Variants in MAGI2 observed in about 807,000 individuals in gnomAD.
MAGI2 encodes the protein membrane-associated guanylate kinase, WW and PDZ domain-containing protein 2.
MAGI2 carries 35 observed loss-of-function variants against 133.3 expected under a neutral mutation model. The ratio of observed to expected loss-of-function variants is 0.26; its 90% CI spans 0.20 to 0.35. The LOEUF is 0.35. MAGI2 is among the 10% of genes least tolerant of loss of function. The pLI, the probability that MAGI2 is intolerant of heterozygous loss-of-function variation, is 1.00. For synonymous variants in MAGI2, 729 were observed against 710.6 expected (o/e 1.03, Z -0.41); for missense variants, 1,636 against 1,863.4 (o/e 0.88, Z 2.25).
intron 1 of MAGI2, among the ~76,000 whole-genome samples, chr7:79,303,938 C>A (rs1049179067): frequency 1.3e-5 from 2 of 151,996 alleles, no homozygotes; most frequent in African/African-American, 4.8e-5. Context: ...TATGTATGTA[C>A]ATATATGTAT....
chr7:79,052,670 A>G (rs1327840048), intron 1 of MAGI2, among the ~76,000 whole-genome samples: 2 of 152,196 alleles, frequency 1.3e-5, no homozygotes, highest in African/African-American at 4.8e-5. Flanking sequence ...AAGGTAATTT[A>G]AATAAATAAT....
intron 2 of MAGI2, among the ~76,000 whole-genome samples, chr7:78,953,702 G>A (rs891926834): frequency 6.6e-6 from 1 of 152,040 alleles, no homozygotes; most frequent in African/African-American, 2.4e-5. Flanking sequence ...TATCAATTCT[G>A]CTTTAAAAAC....
intron 3 of MAGI2, among the ~76,000 whole-genome samples, chr7:78,599,646 A>T (rs38093): frequency 6.6e-6 from 1 of 152,268 alleles, no homozygotes; most frequent in South Asian, 2.1e-4. Context: ...GACCTGTAAA[A>T]TCAGAGGTAG....
intron 2 of MAGI2, among the ~76,000 whole-genome samples, chr7:78,678,712 C>T (rs1169297594): frequency 6.6e-6 from 1 of 152,046 alleles, no homozygotes; most frequent in Non-Finnish European, 1.5e-5. Flanking sequence ...ATATAAAGTC[C>T]TACCAATCAC....
chr7:79,159,918 G>A (rs577859330), intron 1 of MAGI2, among the ~76,000 whole-genome samples: 1 of 152,158 alleles, frequency 6.6e-6, no homozygotes, highest in South Asian at 2.1e-4. Flanking sequence ...TATGTGTCAT[G>A]TGAAAGTGAT....
intron 1 of MAGI2, among the ~76,000 whole-genome samples, chr7:79,211,917 C>T (rs1829533150): frequency 6.6e-6 from 1 of 151,912 alleles, no homozygotes; most frequent in South Asian, 2.1e-4. Flanking sequence ...TTGGTGAGTA[C>T]TTGAAACAAA....
At chr7:79,292,770 CAAAAAAAAA>C (rs199933554) in intron 1 of MAGI2, among the ~76,000 whole-genome samples, 22 of 57,404 alleles carry the variant, frequency 3.8e-4, no homozygotes, top group Admixed American at 1.3e-3. Flanking sequence ...TCAATTTCTG[CAAAAAAAAA>C]AAAAAAAAAA....
chr7:78,552,134 A>G (rs1304166926), intron 3 of MAGI2, among the ~76,000 whole-genome samples: 1 of 129,770 alleles, frequency 7.7e-6, no homozygotes, highest in African/African-American at 2.9e-5. Context: ...AACATAAGGT[A>G]TTTTTAAATA....
At chr7:78,621,002 T>A (rs1169619631) in intron 3 of MAGI2, among the ~76,000 whole-genome samples, 1 of 151,946 alleles carries the variant, frequency 6.6e-6, no homozygotes, top group Non-Finnish European at 1.5e-5. Flanking sequence ...GGAAGACAAC[T>A]GCTGTAAGTG....
At chr7:79,148,366 C>T (rs957618732) in intron 1 of MAGI2, among the ~76,000 whole-genome samples, 13 of 152,180 alleles carry the variant, frequency 8.5e-5, no homozygotes, top group Non-Finnish European at 1.8e-4. Flanking sequence ...TGTCTCACTT[C>T]CCAGGCCCAC....
chr7:79,150,337 A>T (rs1823080495), intron 1 of MAGI2, among the ~76,000 whole-genome samples: 2 of 152,090 alleles, frequency 1.3e-5, no homozygotes, highest in Non-Finnish European at 2.9e-5. Context: ...CAATGTTAAC[A>T]TTTTGTACAT....
intron 10 of MAGI2, among the ~76,000 whole-genome samples, chr7:78,225,538 G>T (rs1554507317): frequency 6.6e-6 from 1 of 151,936 alleles, no homozygotes; most frequent in Non-Finnish European, 1.5e-5. Flanking sequence ...GTAAAGATGG[G>T]GTTTTACCAG....
chr7:79,171,980 C>T (rs1387781595), intron 1 of MAGI2, among the ~76,000 whole-genome samples: 4 of 151,452 alleles, frequency 2.6e-5, no homozygotes, highest in Non-Finnish European at 5.9e-5. Flanking sequence ...CAGCTTTAGG[C>T]CTTGCCTAAT....
At chr7:79,125,271 GC>G in intron 1 of MAGI2, 1 of 451,752 alleles carries the variant, frequency 2.2e-6, no homozygotes. Flanking sequence ...AGTAAGGAAA[GC>G]CCTGCCAAAA....
In MAGI2 at chr7:78,201,190, A is replaced by G; in HGVS notation, c.2051T>C (p.Phe684Ser). The G allele has an allele frequency of 6.8e-7, 1 of 1,477,822 alleles. No homozygotes were observed. The highest frequency in any genetic ancestry group is 1.8e-4 in the Middle Eastern group (1 of 5,574). 91.5% of individuals were successfully genotyped at this position (1,477,822 alleles called of 1,614,324 possible). A position where few individuals can be genotyped will look rare whatever the true frequency, so the allele number is the denominator to read the frequency against. ...CTTTGGAGTTTTCCATGGAGAAAAG[A>G]AACCTGTAATAAAGAAAACAATATT... ...ETSLIIHRGGFFSPWKTPKPI... is the reference protein window; with the variant it reads ...ETSLIIHRGGSFSPWKTPKPI... Residue 684 changes from phenylalanine (F) to serine (S), a missense_variant, in exon 11 of 22, where the codon TTC becomes TCC. This residue lies in a region of MAGI2 where 920 missense variants were observed against 1,093.5 expected (regional missense o/e 0.84). Coordinates refer to ENST00000354212, the MANE Select transcript of MAGI2 (RefSeq NM_012301.4).
rs80157892 is a variant in MAGI2 at position 78,473,306 on chromosome 7, T to A, written c.1045+16455A>T. 2.6e-5 allele frequency among the ~76,000 whole-genome samples: 4 copies of A among 152,218 alleles called. No individual in the cohort carries two copies. The South Asian group carries it at 8.3e-4, about 32-fold the overall frequency. ...TTTTCCATAGCTTAAGACCATCATA[T>A]GTAGGATAATAAATTGAATCTACAG... On this transcript the variant is annotated intron_variant, in intron 6 of 21. Transcript: ENST00000354212.
At chr7:78,941,739 C>A (rs956177187) in intron 2 of MAGI2, among the ~76,000 whole-genome samples, 5 of 146,130 alleles carry the variant, frequency 3.4e-5, no homozygotes, top group Admixed American at 6.8e-5. Flanking sequence ...CACACACACA[C>A]ACACACACAC....
intron 2 of MAGI2, among the ~76,000 whole-genome samples, chr7:78,848,907 A>G (rs1792879276): frequency 6.6e-6 from 1 of 152,074 alleles, no homozygotes; most frequent in Non-Finnish European, 1.5e-5. Context: ...ATTTAAATAT[A>G]GACTCCATGA....
intron 14 of MAGI2, among the ~76,000 whole-genome samples, chr7:78,175,140 G>T (rs940700821): frequency 1.3e-5 from 2 of 152,216 alleles, no homozygotes; most frequent in African/African-American, 4.8e-5. Context: ...CCTGAGGAAA[G>T]CTGTGAGCAC....
Sources: allele counts gnomAD v4.1 joint callset (sites outside exome capture counted in the v4.1 genomes callset), GRCh38; gene constraint gnomAD v4.1.1; regional missense constraint gnomAD v4.1.1; transcripts MANE v1.5; gene names NCBI Gene and HGNC (gene_info 2026-07-23, HGNC 2026-07-21).